Variants in FTCD observed in about 807,000 individuals in gnomAD.
FTCD encodes the protein formimidoyltransferase-cyclodeaminase.
FTCD carries 76 observed loss-of-function variants against 62.9 expected under a neutral mutation model. That is an observed-to-expected ratio of 1.21 (90% CI 1.00 to 1.46). FTCD has a LOEUF of 1.46. Among genes scored for constraint, FTCD ranks in the 40% most tolerant of loss-of-function variants. The pLI is 0.00. For synonymous variants in FTCD, 397 were observed against 336.9 expected, an observed-to-expected ratio of 1.18 and a Z score of -1.95; for missense variants, 845 against 751.3, an observed-to-expected ratio of 1.12 and a Z score of -1.46.
chr21:46,145,276 A>T (rs1485105738), intron 10 of FTCD, 141 bp downstream of exon 10: 1 of 675,278 alleles, frequency 1.5e-6, no homozygotes, highest in Non-Finnish European at 2.5e-6. Flanking sequence ...AGGTCCAGAC[A>T]GCGGCCAGTG....
intron 2 of FTCD, among the ~76,000 whole-genome samples, 182 bp from the exon 3 acceptor site, chr21:46,153,217 C>T (rs922211946): frequency 2.6e-5 from 4 of 152,202 alleles, no homozygotes; most frequent in African/African-American, 7.2e-5. Flanking sequence ...CCTGCCCCAG[C>T]GGCAGCACCA....
intron 9 of FTCD, 49 bp downstream of exon 9, chr21:46,145,769 G>GCCCTCACAACAGCA: frequency 3.0e-6 from 1 of 335,478 alleles, no homozygotes; most frequent in Non-Finnish European, 5.5e-6. Context: ...CCCCCTCCCC[G>GCCCTCACAACAGCA]CCCTCCCCCC....
chr21:46,138,259 T>C (rs1250634556), intron 12 of FTCD, among the ~76,000 whole-genome samples: 1 of 152,172 alleles, frequency 6.6e-6, no homozygotes, highest in Non-Finnish European at 1.5e-5. Context: ...TATACACTTA[T>C]ACAGTGGTCA....
intron 7 of FTCD, among the ~76,000 whole-genome samples, chr21:46,148,073 C>T (rs1022401680): frequency 6.6e-6 from 1 of 152,164 alleles, no homozygotes; most frequent in South Asian, 2.1e-4. Flanking sequence ...CGTTGGAATG[C>T]TGTCACTGGC....
intron 5 of FTCD, 94 bp downstream of exon 5, chr21:46,151,464 C>T: frequency 2.0e-6 from 2 of 1,004,762 alleles, no homozygotes; most frequent in Non-Finnish European, 2.8e-6. Flanking sequence ...GGCCGGTGCC[C>T]CATCCCCACC....
chr21:46,151,996 G>T lies in FTCD; in HGVS notation c.368-16C>A. ...TACAGGTAAACTGCAGGAGAGCCCG[G>T]CGGTCAGGCCTGGACCGGCAGGGGG... On this transcript the variant is annotated splice_polypyrimidine_tract_variant and intron_variant, in intron 3 of 13. Transcript: ENST00000397746. 6.5e-7 allele frequency: 1 copy of T among 1,547,994 alleles called. No individual in the cohort carries two copies. Among genetic ancestry groups the T allele is most frequent in the Non-Finnish European group, 8.7e-7 (1 of 1,143,652 alleles).
intron 12 of FTCD, among the ~76,000 whole-genome samples, chr21:46,138,081 G>A (rs1039363721): frequency 1.3e-5 from 2 of 151,890 alleles, no homozygotes; most frequent in African/African-American, 4.8e-5. Flanking sequence ...TGTACAGCCA[G>A]GGTCCCACTA....
chr21:46,145,699 C>T (rs1163764276), intron 9 of FTCD, 119 bp downstream of exon 9: 2 of 544,470 alleles, frequency 3.7e-6, no homozygotes, highest in African/African-American at 3.6e-5. Flanking sequence ...CCCACGTCTC[C>T]ACCCAGGGCG....
chr21:46,147,913 G>A (rs1210104497), intron 7 of FTCD, among the ~76,000 whole-genome samples: 6 of 149,548 alleles, frequency 4.0e-5, no homozygotes, highest in Admixed American at 6.6e-5. Context: ...ACTGCACTCC[G>A]GCCTGGGTGA....
rs751645254 is a variant in FTCD at position 46,151,949 on chromosome 21, G to A, written c.399C>T (p.Asp133=). Residue 133 remains aspartate, a synonymous_variant, in exon 4 of 14, where the codon GAC becomes GAT. Transcript: ENST00000397746. ...GGATGGCCGGCAGGGTCCGGCGACT[G>A]TCCATCCTGGCTGCCTCGCCGTACA... The part of the protein sequence containing the change: ...VYLYGEAARM[D]SRRTLPAIRA... 1.3e-5 allele frequency: 21 copies of A among 1,571,456 alleles called. No individual in the cohort carries two copies. The South Asian group carries it at 1.9e-4, about 14-fold the overall frequency.
chr21:46,148,800 C>G (rs2079205169), intron 7 of FTCD, among the ~76,000 whole-genome samples: 1 of 152,180 alleles, frequency 6.6e-6, no homozygotes, highest in African/African-American at 2.4e-5. Flanking sequence ...GCTCAGTGCT[C>G]TGTGTTACGT....
At chr21:46,140,419 A>G (rs1210204879) in intron 10 of FTCD, among the ~76,000 whole-genome samples, 130 of 72,788 alleles carry the variant, frequency 1.8e-3, no homozygotes, top group Admixed American at 2.6e-3. Context: ...CTCCCCGTCC[A>G]CCTTCGCGTG....
At chr21:46,138,740 G>T in intron 11 of FTCD, 94 bp from the exon 12 acceptor site, 1 of 1,477,992 alleles carries the variant, frequency 6.8e-7, no homozygotes, top group Non-Finnish European at 9.4e-7. Flanking sequence ...GGCTGCAGAA[G>T]CGGGCGATGG....
At chr21:46,152,573 C>A (rs73144704) in intron 3 of FTCD, 4,097 of 250,274 alleles carry the variant, frequency 0.016, 46 homozygotes, top group Non-Finnish European at 0.021. Flanking sequence ...CACTTTGTCC[C>A]GTTTGTCTCT....
At chr21:46,137,215 GCAC>G (rs1404861476) in intron 13 of FTCD, 21 bp downstream of exon 13, 5 of 1,590,558 alleles carry the variant, frequency 3.1e-6, no homozygotes, top group Admixed American at 1.7e-5. Flanking sequence ...TGGGGTCCGG[GCAC>G]CACACCTGCC....
intron 3 of FTCD, chr21:46,152,341 C>T (rs760670623): frequency 2.3e-4 from 58 of 252,072 alleles, no homozygotes; most frequent in Non-Finnish European, 3.0e-4. Flanking sequence ...AGGAAAAACT[C>T]GTGAACCCGC....
At position 46,145,939 on chromosome 21, in the gene FTCD, A is replaced by T. The variant is rs2079137554; in HGVS notation, c.977T>A (p.Val326Asp). ...SPKERIIEYL[V>D]PERGPERGLG... is the part of the protein sequence containing the mutation. ...GCCTCGCTCAGGCCCGCGCTCAGGG[A>T]CCAGGTACCTGCAGGGTGGGCGCGG... Residue 326 changes from valine to aspartate, a missense_variant, in exon 9 of 14, where the codon GTC becomes GAC. Coordinates refer to ENST00000397746, the MANE Select transcript of FTCD (RefSeq NM_206965.2). 1 of 1,499,390 alleles carries T rather than the reference A, an allele frequency of 6.7e-7. No homozygotes were observed. Among genetic ancestry groups the T allele is most frequent in the African/African-American group, 1.5e-5 (1 of 68,530 alleles). The allele number at this position is 1,499,390 out of a possible 1,614,324, so 92.9% of individuals were successfully genotyped here.
In FTCD at chr21:46,142,936, A is replaced by G. The variant is rs1015847649; in HGVS notation, c.1260+2481T>C. On this transcript the variant is annotated intron_variant, in intron 10 of 13. Coordinates refer to ENST00000397746, the MANE Select transcript of FTCD (RefSeq NM_206965.2). ...AGACAGAGAAGTTCTCCAAGTTCCC[A>G]CCCCAGTAGCTAGACACAGTGCTGA... Among the ~76,000 whole-genome samples, 9 of 151,992 alleles carry G rather than the reference A, an allele frequency of 5.9e-5. No individual in the cohort carries two copies. In the East Asian group the frequency reaches 9.6e-4, roughly 16 times the overall value.
At chr21:46,152,729 C>A in intron 3 of FTCD, 178 bp downstream of exon 3, 1 of 583,260 alleles carries the variant, frequency 1.7e-6, no homozygotes, top group Non-Finnish European at 2.9e-6. Flanking sequence ...TGCACGGCCG[C>A]AGGCGAGGCT....
Sources: gnomAD v4.1 joint callset for allele counts (sites outside exome capture counted in the v4.1 genomes callset) on GRCh38, gnomAD v4.1.1 for gene constraint, MANE v1.5 for transcripts, NCBI Gene and HGNC (gene_info 2026-07-23, HGNC 2026-07-21) for gene names.